SPATA7: variants seen among roughly 807,000 people sequenced by gnomAD.
SPATA7 encodes spermatogenesis-associated protein 7.
Under a neutral mutation model 51.8 loss-of-function variants are expected in SPATA7, and 43 were observed. That is an observed-to-expected ratio of 0.83 (90% CI 0.65 to 1.07). SPATA7 has a LOEUF of 1.07. Among genes scored for constraint, SPATA7 ranks in the 50% least tolerant of loss-of-function variants. The pLI is 0.00. For missense variants in SPATA7, 683 were observed against 701.3 expected (o/e 0.97, Z 0.30); for synonymous variants, 230 against 252.8 (o/e 0.91, Z 0.86).
At chr14:88,445,428 C>T (rs1335187985) in intron 3 of SPATA7, among the ~76,000 whole-genome samples, 3 of 152,158 alleles carry the variant, frequency 2.0e-5, no homozygotes, top group African/African-American at 7.2e-5. Flanking sequence ...ATGTCATCTG[C>T]AAACAGGGAC....
In SPATA7 at chr14:88,435,966, G is replaced by GT. The variant is rs540669352; in HGVS notation, c.1161-1571dup. 1.1e-4 allele frequency among the ~76,000 whole-genome samples: 17 copies of GT among 152,178 alleles called. No homozygotes were observed. In the South Asian group the frequency reaches 3.5e-3, roughly 32 times the overall value. ...GGAACATATGGTAGCTCAATTTCTA[G>GT]TTTTTTGAGGGACCTCCAAACTGTT... On this transcript the variant is annotated intron_variant, in intron 10 of 11. Transcript: ENST00000393545.
At chr14:88,388,787 G>A (rs1288779969) in intron 1 of SPATA7, among the ~76,000 whole-genome samples, 2 of 152,124 alleles carry the variant, frequency 1.3e-5, no homozygotes, top group Non-Finnish European at 2.9e-5. Flanking sequence ...TTGGTACCTA[G>A]AATTACGGGA....
intron 6 of SPATA7, among the ~76,000 whole-genome samples, chr14:88,427,416 T>C (rs2139998970): frequency 6.6e-6 from 1 of 152,082 alleles, no homozygotes; most frequent in Non-Finnish European, 1.5e-5. Context: ...AATTTAAGAT[T>C]AGTATTTTTT....
chr14:88,405,254 G>A (rs2076171574), intron 4 of SPATA7, among the ~76,000 whole-genome samples: 3 of 152,196 alleles, frequency 2.0e-5, no homozygotes, highest in African/African-American at 7.2e-5. Context: ...TCACTGAGAT[G>A]GGACAGAGGG....
At chr14:88,460,594 C>A (rs2077310959) in intron 4 of SPATA7, among the ~76,000 whole-genome samples, 1 of 152,174 alleles carries the variant, frequency 6.6e-6, no homozygotes, top group Non-Finnish European at 1.5e-5. Flanking sequence ...ACTGTTTATT[C>A]TAGTTCGCCA....
intron 3 of SPATA7, among the ~76,000 whole-genome samples, chr14:88,395,483 C>T (rs2075855917): frequency 6.7e-6 from 1 of 148,496 alleles, no homozygotes; most frequent in South Asian, 2.2e-4. Context: ...ATTTGCCTAA[C>T]CTTAGGTCAC....
chr14:88,400,957 T>C (rs369665366), intron 4 of SPATA7, among the ~76,000 whole-genome samples: 3 of 152,220 alleles, frequency 2.0e-5, no homozygotes, highest in Non-Finnish European at 4.4e-5. Context: ...TCTTAAACTT[T>C]TATAAAAATA....
At chr14:88,436,227 T>G (rs1053506298) in intron 10 of SPATA7, among the ~76,000 whole-genome samples, 2 of 152,222 alleles carry the variant, frequency 1.3e-5, no homozygotes, top group Non-Finnish European at 2.9e-5. Flanking sequence ...GAATTGTCTA[T>G]TCAAATCTTT....
Position 88,433,145 on chromosome 14 carries a change from CTG to C in SPATA7, c.1095_1096del (p.Leu366ValfsTer6). 1.2e-6 allele frequency: 2 copies of C among 1,611,132 alleles called. No homozygotes were observed. Among genetic ancestry groups the C allele is most frequent in the Non-Finnish European group, 1.7e-6 (2 of 1,178,942 alleles). On this transcript the variant is annotated frameshift_variant, in exon 10 of 12. Coordinates refer to ENST00000393545, the MANE Select transcript of SPATA7 (RefSeq NM_018418.5). LOFTEE classifies it high-confidence loss of function. ...TRKIYSDEEE[L>X]LYLSFIEDVT... is the part of the protein sequence containing the mutation. ...GCCTTCCTTTTACAGTGAAGAAGAA[CTG>C]TTGTATCTGAGTTTCATTGAAGATG...
intron 1 of SPATA7, among the ~76,000 whole-genome samples, chr14:88,390,190 CAAT>C (rs963194492): frequency 1.3e-5 from 2 of 151,764 alleles, no homozygotes; most frequent in African/African-American, 4.8e-5. Flanking sequence ...GGTTACCACT[CAAT>C]AAATTAGCCT....
chr14:88,428,192 T>C (rs1425070128), intron 7 of SPATA7: 1 of 152,200 alleles, frequency 6.6e-6, no homozygotes, highest in Non-Finnish European at 1.5e-5. Context: ...ACAGGGTTTA[T>C]ATTTTGAATT....
intron 4 of SPATA7, among the ~76,000 whole-genome samples, chr14:88,401,182 G>C (rs189600106): frequency 9.9e-5 from 15 of 152,248 alleles, no homozygotes; most frequent in African/African-American, 3.6e-4. Context: ...GGGATACAAA[G>C]GTGGTTCAAC....
intron 3 of SPATA7, among the ~76,000 whole-genome samples, chr14:88,395,408 G>A (rs564807314): frequency 2.0e-5 from 3 of 151,890 alleles, no homozygotes; most frequent in South Asian, 2.1e-4. Flanking sequence ...CATGAAAATC[G>A]TGAAGTCGTT....
At chr14:88,407,879 G>C (rs1000704066) in intron 4 of SPATA7, among the ~76,000 whole-genome samples, 1 of 152,098 alleles carries the variant, frequency 6.6e-6, no homozygotes, top group African/African-American at 2.4e-5. Flanking sequence ...TTTCCCCATT[G>C]CTTATTTTTC....
intron 1 of SPATA7, 142 bp downstream of exon 1, chr14:88,385,979 G>A (rs1257862691): frequency 6.6e-7 from 1 of 1,523,714 alleles, no homozygotes; most frequent in Admixed American, 2.0e-5. Context: ...GTTGCCTGGA[G>A]CTGCCCAGGC....
intron 3 of SPATA7, among the ~76,000 whole-genome samples, chr14:88,449,339 C>T (rs1411701489): frequency 6.6e-6 from 1 of 152,162 alleles, no homozygotes; most frequent in Non-Finnish European, 1.5e-5. Flanking sequence ...ACCCAGTGAT[C>T]ATTCAGGAGC....
At chr14:88,454,949 T>C (rs1299734276) in intron 3 of SPATA7, 1 of 388,110 alleles carries the variant, frequency 2.6e-6, no homozygotes, top group Non-Finnish European at 5.1e-6. Context: ...AACTTTAATG[T>C]GTATCAAAAT....
At chr14:88,443,931 C>A (rs1022475763) in intron 3 of SPATA7, among the ~76,000 whole-genome samples, 1 of 151,980 alleles carries the variant, frequency 6.6e-6, no homozygotes, top group Non-Finnish European at 1.5e-5. Context: ...GTGAATAATG[C>A]CGCAATAAAC....
In SPATA7 at chr14:88,429,372, G is replaced by GCCAAAGAAAAAATAGCT. The variant is rs2076880061; in HGVS notation, c.940_956dup (p.Leu320LysfsTer4). On this transcript the variant is annotated frameshift_variant, in exon 8 of 12. Coordinates refer to ENST00000393545, the MANE Select transcript of SPATA7 (RefSeq NM_018418.5). LOFTEE classifies it high-confidence loss of function. ...GGCATCTAATTGTGTGACATATGAT[G>GCCAAAGAAAAAATAGCT]CCAAAGAAAAAATAGCTCCTTTACC... is the stretch of plus-strand genomic sequence containing the variant. 1 of 1,611,138 alleles carries GCCAAAGAAAAAATAGCT rather than the reference G, an allele frequency of 6.2e-7. No individual in the cohort carries two copies. The highest frequency in any genetic ancestry group is 8.5e-7 in the Non-Finnish European group (1 of 1,177,828).
Sources: gnomAD v4.1 joint callset for allele counts (sites outside exome capture counted in the v4.1 genomes callset) on GRCh38, gnomAD v4.1.1 for gene constraint, MANE v1.5 for transcripts, NCBI Gene and HGNC (gene_info 2026-07-23, HGNC 2026-07-21) for gene names.